The following ST3GAL3 variants were observed in gnomAD, a reference collection of about 807,000 sequenced individuals.
ST3GAL3 encodes CMP-N-acetylneuraminate-beta-1,4-galactoside alpha-2,3-sialyltransferase.
Under a neutral mutation model 50.1 loss-of-function variants are expected in ST3GAL3, and 21 were observed. The observed-to-expected ratio is 0.42, with a 90% CI of 0.30 to 0.60. The LOEUF is 0.60. Among genes scored for constraint, ST3GAL3 ranks in the 20% least tolerant of loss-of-function variants. ST3GAL3 has a pLI of 0.19. For missense variants in ST3GAL3, 353 were observed against 489.4 expected (o/e 0.72, Z 2.63); for synonymous variants, 183 against 190.0 (o/e 0.96, Z 0.30).
rs1283903480 is a variant in ST3GAL3, at chr1:43,737,611, C to G, written c.118+1231C>G. The G allele has an allele frequency of 2.0e-5, 3 of 152,152 alleles. No individual in the cohort carries two copies. The highest frequency in any genetic ancestry group is 7.2e-5 in the African/African-American group (3 of 41,418). The allele number at this position is 152,152 out of a possible 1,614,324, so 9.4% of individuals were successfully genotyped here. Reference sequence around the variant, plus strand: ...TCTCTGCACTGACTTATTTTTAAAACCAAGGAGACTACCCAGGATAAGGAG... The same window carrying G: ...TCTCTGCACTGACTTATTTTTAAAAGCAAGGAGACTACCCAGGATAAGGAG... On this transcript the variant is annotated intron_variant, in intron 2 of 11. Transcript: ENST00000347631. This position sits in a 1 kb window ranked among gnomAD's most constrained non-coding sequence, Gnocchi z 4.0.
intron 3 of ST3GAL3, among the ~76,000 whole-genome samples, chr1:43,801,998 TCAAACAAA>T (rs55640224): frequency 1.9e-3 from 294 of 151,780 alleles, no homozygotes; most frequent in African/African-American, 6.8e-3. Context: ...AGACCCTGTG[TCAAACAAA>T]CAAACAAACA....
chr1:43,795,364 T>C (rs532200233), intron 3 of ST3GAL3, among the ~76,000 whole-genome samples: 1 of 152,338 alleles, frequency 6.6e-6, no homozygotes, highest in South Asian at 2.1e-4. Context: ...CCTCAAATTA[T>C]AACTGGTTTT....
In ST3GAL3 at chr1:43,798,816, A is replaced by T. The variant is rs1375721559; in HGVS notation, c.166+6667A>T. ...AAGGACTTGGTCTGTTTTGTTCATC[A>T]CTGTATCGCCGGTATTTAGAATGCG... On this transcript the variant is annotated intron_variant, in intron 3 of 11. Coordinates refer to ENST00000347631, the MANE Select transcript of ST3GAL3 (RefSeq NM_006279.5). 2.6e-5 allele frequency among the ~76,000 whole-genome samples: 4 copies of T among 152,196 alleles called. No individual in the cohort carries two copies. The East Asian group carries it at 7.7e-4, about 29-fold the overall frequency.
At chr1:43,806,493 G>A (rs1182476852) in intron 3 of ST3GAL3, among the ~76,000 whole-genome samples, 1 of 152,000 alleles carries the variant, frequency 6.6e-6, no homozygotes, top group East Asian at 1.9e-4. Context: ...GACATTAGTG[G>A]TCACCAAAAA....
intron 1 of ST3GAL3, among the ~76,000 whole-genome samples, chr1:43,716,294 GAAC>G (rs1029954131): frequency 6.6e-6 from 1 of 152,176 alleles, no homozygotes; most frequent in African/African-American, 2.4e-5. Flanking sequence ...ACCAAACTGA[GAAC>G]AACAACATTT....
At chr1:43,783,231 C>G (rs1216091559) in intron 2 of ST3GAL3, among the ~76,000 whole-genome samples, 1 of 152,196 alleles carries the variant, frequency 6.6e-6, no homozygotes, top group Admixed American at 6.5e-5. Flanking sequence ...CTGCACAGGT[C>G]CATGCCACCT....
chr1:43,763,644 T>C (rs796762662), intron 2 of ST3GAL3, among the ~76,000 whole-genome samples: 6 of 152,294 alleles, frequency 3.9e-5, no homozygotes, highest in African/African-American at 1.4e-4. Flanking sequence ...AACCTTTTGA[T>C]TGCCACAGGA....
In ST3GAL3 at chr1:43,707,644, C is replaced by G; in HGVS notation, c.-80C>G. 1 of 153,210 alleles carries G rather than the reference C, an allele frequency of 6.5e-6. No homozygotes were observed. Among genetic ancestry groups the G allele is most frequent in the Non-Finnish European group, 1.4e-5 (1 of 69,090 alleles). The allele number at this position is 153,210 out of a possible 1,614,324, so 9.5% of individuals were successfully genotyped here. On this transcript the variant is annotated 5_prime_UTR_variant, in exon 1 of 12. Coordinates refer to ENST00000347631, the MANE Select transcript of ST3GAL3 (RefSeq NM_006279.5). Reference sequence around the variant, plus strand: ...CTACGCCGCTGCCTCCGCCTTCCTGCCCCGCGTCGGGCCGGGCGCCACCTC... The same window carrying G: ...CTACGCCGCTGCCTCCGCCTTCCTGGCCCGCGTCGGGCCGGGCGCCACCTC...
chr1:43,911,645 A>G (rs1191965708), intron 9 of ST3GAL3, among the ~76,000 whole-genome samples: 7 of 150,590 alleles, frequency 4.6e-5, no homozygotes, highest in Non-Finnish European at 1.0e-4. Flanking sequence ...ATATCTATAG[A>G]TATATCTGTA....
At chr1:43,924,154 A>G (rs1571601287) in intron 11 of ST3GAL3, among the ~76,000 whole-genome samples, 1 of 152,210 alleles carries the variant, frequency 6.6e-6, no homozygotes, top group Non-Finnish European at 1.5e-5. Context: ...AGCTAGAAAC[A>G]GCCTTCCAGC....
intron 5 of ST3GAL3, among the ~76,000 whole-genome samples, chr1:43,884,396 C>T (rs936163310): frequency 2.0e-5 from 3 of 152,218 alleles, no homozygotes. Context: ...GCAAGGGGAA[C>T]GCAGCAAGAC....
chr1:43,732,184 T>G (rs945480071), intron 1 of ST3GAL3, among the ~76,000 whole-genome samples: 8 of 152,254 alleles, frequency 5.3e-5, no homozygotes, highest in Non-Finnish European at 7.3e-5. Flanking sequence ...CCCTGGCAGA[T>G]ACTTTATTCA....
rs143671708 is a variant in ST3GAL3, at chr1:43,863,118, G to T, written c.302+24807G>T. 4.6e-5 allele frequency among the ~76,000 whole-genome samples: 7 copies of T among 152,288 alleles called. No individual in the cohort carries two copies. In the East Asian group the frequency reaches 1.4e-3, roughly 29 times the overall value. On this transcript the variant is annotated intron_variant, in intron 5 of 11. Coordinates refer to ENST00000347631, the MANE Select transcript of ST3GAL3 (RefSeq NM_006279.5). ...CACTGGGGAAATGGTTTTAAAAAAC[G>T]CAGGCATGGTCCCAGCTCACTGTCT...
intron 4 of ST3GAL3, among the ~76,000 whole-genome samples, chr1:43,834,831 C>T (rs1334199867): frequency 6.6e-6 from 1 of 152,224 alleles, no homozygotes; most frequent in Non-Finnish European, 1.5e-5. Flanking sequence ...GTTTCCACTG[C>T]ACATGGGGAA....
chr1:43,752,068 TG>T (rs1397291859), intron 2 of ST3GAL3, among the ~76,000 whole-genome samples: 1 of 152,128 alleles, frequency 6.6e-6, no homozygotes. Flanking sequence ...CCTCCTGCCT[TG>T]GCCTCCCTAA....
At chr1:43,806,081 G>A (rs2059853491) in intron 3 of ST3GAL3, among the ~76,000 whole-genome samples, 2 of 152,192 alleles carry the variant, frequency 1.3e-5, no homozygotes, top group African/African-American at 4.8e-5. Context: ...TCTAAAGAAT[G>A]AGCAGGAATT....
chr1:43,920,096 GC>G, intron 9 of ST3GAL3: 1 of 425,160 alleles, frequency 2.4e-6, no homozygotes, highest in Non-Finnish European at 4.4e-6. Flanking sequence ...TGGCCCAGGA[GC>G]CCCCTCAGGC....
At chr1:43,883,138 A>G (rs1375021468) in intron 5 of ST3GAL3, among the ~76,000 whole-genome samples, 1 of 151,602 alleles carries the variant, frequency 6.6e-6, no homozygotes, top group Non-Finnish European at 1.5e-5. Flanking sequence ...AAATTTTTCA[A>G]TTTTATTTTT....
Position 43,930,244 on chromosome 1 carries a change from G to C in ST3GAL3, c.*23G>C. The C allele has an allele frequency of 6.2e-7, 1 of 1,608,732 alleles. No homozygotes were observed. The highest frequency in any genetic ancestry group is 1.7e-5 in the Admixed American group (1 of 60,032). The stretch of plus-strand genomic sequence containing the variant: ...TGAGTGGGCCCAGCACATGGCCATA[G>C]AGGCCCAGGCACCACCAGGAGCAGC... On this transcript the variant is annotated 3_prime_UTR_variant, in exon 12 of 12. Transcript: ENST00000347631.
Sources: allele counts gnomAD v4.1 joint callset (sites outside exome capture counted in the v4.1 genomes callset), GRCh38; gene constraint gnomAD v4.1.1; non-coding constraint Gnocchi (gnomAD v3.1); transcripts MANE v1.5; gene names NCBI Gene and HGNC (gene_info 2026-07-23, HGNC 2026-07-21).